NBR1: variants seen among roughly 807,000 people sequenced by gnomAD.
The protein encoded by NBR1 is next to BRCA1 gene 1 protein.
In NBR1, 59 loss-of-function variants were observed where a neutral mutation model predicts 115.5. The observed-to-expected ratio is 0.51, with a 90% CI of 0.41 to 0.63. The LOEUF is 0.63. NBR1 is among the 30% of genes least tolerant of loss of function. NBR1 has a pLI of 0.00. For missense variants in NBR1, 1,043 were observed against 1,150.5 expected (o/e 0.91, Z 1.35); for synonymous variants, 373 against 414.7 (o/e 0.90, Z 1.22).
chr17:43,176,338 T>TC (rs2056516275), intron 2 of NBR1: 1 of 153,564 alleles, frequency 6.5e-6, no homozygotes, highest in Admixed American at 6.5e-5. Context: ...GTTGAGTATC[T>TC]CAGAGTTGAG....
intron 2 of NBR1, chr17:43,176,352 G>A (rs2056516876): frequency 6.5e-6 from 1 of 153,042 alleles, no homozygotes. Context: ...AGTTGAGCAG[G>A]AAAAACTTTC....
intron 1 of NBR1, among the ~76,000 whole-genome samples, chr17:43,174,332 C>G (rs2056451890): frequency 6.6e-6 from 1 of 152,280 alleles, no homozygotes; most frequent in East Asian, 1.9e-4. Flanking sequence ...CATGGTGGCT[C>G]ACGCCTGTAA....
At chr17:43,193,752 T>TTAGCATCTCCCCC in intron 12 of NBR1, 114 bp downstream of exon 12, 1 of 1,145,970 alleles carries the variant, frequency 8.7e-7, no homozygotes, top group East Asian at 2.6e-5. Flanking sequence ...CCTTGAAAGG[T>TTAGCATCTCCCCC]TAGCATCTCC....
Position 43,209,950 on chromosome 17 carries a change from A to C in NBR1, c.2777A>C (p.Glu926Ala). 2 of 1,609,586 alleles carry C rather than the reference A, an allele frequency of 1.2e-6. No individual in the cohort carries two copies. Among genetic ancestry groups the C allele is most frequent in the Non-Finnish European group, 1.7e-6 (2 of 1,177,792 alleles). Residue 926 changes from glutamate (E) to alanine (A), a missense_variant, in exon 21 of 21, where the codon GAA becomes GCA. By Grantham distance (107) the Glu-to-Ala change is moderately radical. Coordinates refer to ENST00000590996, the MANE Select transcript of NBR1 (RefSeq NM_005899.5). ...GCAGCCCTGATGGCCCATCTCTTTG[A>C]AATGGGATTCTGTGACAGGCAGCTG... ...QTAALMAHLF[E>A]MGFCDRQLNL... is the part of the protein sequence containing the mutation.
intron 8 of NBR1, 105 bp from the exon 9 acceptor site, chr17:43,190,504 C>T: frequency 7.9e-7 from 1 of 1,265,508 alleles, no homozygotes; most frequent in Non-Finnish European, 1.1e-6. Flanking sequence ...GCTCAGGTTA[C>T]CTGCTAGTTG....
At chr17:43,177,906 C>A (rs1254913731) in intron 2 of NBR1, 30 bp from the exon 3 acceptor site, 1 of 1,450,894 alleles carries the variant, frequency 6.9e-7, no homozygotes, top group Non-Finnish European at 9.3e-7. Context: ...TACATTATAA[C>A]CTGCCTTTAA....
chr17:43,174,076 GT>G (rs1167837135), intron 1 of NBR1, among the ~76,000 whole-genome samples: 2 of 152,044 alleles, frequency 1.3e-5, no homozygotes, highest in African/African-American at 2.4e-5. Flanking sequence ...TATCTAGACT[GT>G]TTTTAAAAAA....
At chr17:43,203,614 C>T in intron 19 of NBR1, 67 bp from the exon 20 acceptor site, 1 of 967,370 alleles carries the variant, frequency 1.0e-6, no homozygotes. Flanking sequence ...GATTAGAGCC[C>T]AGATTATCTT....
chr17:43,190,545 A>C (rs761854431), intron 8 of NBR1, 64 bp from the exon 9 acceptor site: 12 of 1,520,438 alleles, frequency 7.9e-6, no homozygotes, highest in Non-Finnish European at 1.1e-5. Context: ...GTATGGTCTT[A>C]TATCTCCCTA....
intron 18 of NBR1, 95 bp from the exon 19 acceptor site, chr17:43,202,560 G>T: frequency 1.3e-6 from 1 of 758,620 alleles, no homozygotes. Context: ...ACTGTGATCA[G>T]ATTGCCACCT....
At chr17:43,175,497 ACATGTTTCC>A (rs2056489182) in intron 1 of NBR1, among the ~76,000 whole-genome samples, 2 of 152,226 alleles carry the variant, frequency 1.3e-5, no homozygotes, top group Admixed American at 6.5e-5. Flanking sequence ...TTCTGTTTCC[ACATGTTTCC>A]AACATGTGGA....
rs1295756953 is a variant in NBR1, at chr17:43,200,175, G to A, written c.2035G>A (p.Ala679Thr). 1.3e-6 allele frequency: 2 copies of A among 1,546,392 alleles called. No individual in the cohort carries two copies. The highest frequency in any genetic ancestry group is 8.7e-7 in the Non-Finnish European group (1 of 1,143,344). Residue 679 changes from alanine to threonine, a missense_variant, in exon 17 of 21, where the codon GCC (alanine) becomes ACC (threonine). Transcript: ENST00000590996. ...TTGCTTTCATCCTTTAGTGACATTT[G>A]CCTTGCCTGAAGGACCACTTGGAAA... is the stretch of plus-strand genomic sequence containing the variant. ...CRQKSLQMTF[A>T]LPEGPLGNEK...
chr17:43,194,343 T>C lies in NBR1; in HGVS notation c.1525-7T>C. On this transcript the variant is annotated splice_region_variant and splice_polypyrimidine_tract_variant and intron_variant, in intron 12 of 20. Coordinates refer to ENST00000590996, the MANE Select transcript of NBR1 (RefSeq NM_005899.5). Reference sequence around the variant, plus strand: ...CTAAAATTTGTCTCAATGGTTTGTCTCTATAGGAAACTTTTCTTCTGGCTA... The same window carrying C: ...CTAAAATTTGTCTCAATGGTTTGTCCCTATAGGAAACTTTTCTTCTGGCTA... 6.2e-7 allele frequency: 1 copy of C among 1,609,894 alleles called. No individual in the cohort carries two copies. The highest frequency in any genetic ancestry group is 8.5e-7 in the Non-Finnish European group (1 of 1,177,812).
intron 1 of NBR1, among the ~76,000 whole-genome samples, chr17:43,173,376 C>T (rs562793953): frequency 2.0e-4 from 31 of 152,242 alleles, no homozygotes; most frequent in Non-Finnish European, 7.4e-5. Flanking sequence ...GCAACCTTGC[C>T]TCCCAGGTTC....
chr17:43,196,358 A>G (rs1465134338), intron 14 of NBR1, 123 bp from the exon 15 acceptor site: 4 of 586,304 alleles, frequency 6.8e-6, no homozygotes, highest in Non-Finnish European at 1.2e-5. Context: ...ACCTCAAAGC[A>G]TATCTTGGTT....
At chr17:43,206,397 C>G (rs547165624) in intron 20 of NBR1, among the ~76,000 whole-genome samples, 9 of 152,112 alleles carry the variant, frequency 5.9e-5, no homozygotes, top group African/African-American at 2.2e-4. Flanking sequence ...GTGGCTCATG[C>G]CTGTAATCCC....
chr17:43,204,942 C>T (rs1381651404), intron 20 of NBR1, among the ~76,000 whole-genome samples: 3 of 152,028 alleles, frequency 2.0e-5, no homozygotes, highest in African/African-American at 7.2e-5. Flanking sequence ...AGCCACTGCA[C>T]TCCAGCTTGG....
At chr17:43,206,530 C>T (rs1015508855) in intron 20 of NBR1, among the ~76,000 whole-genome samples, 1 of 152,068 alleles carries the variant, frequency 6.6e-6, no homozygotes, top group African/African-American at 2.4e-5. Flanking sequence ...TGGCACGTGC[C>T]TGTAGTCCTA....
chr17:43,194,801 A>C, intron 13 of NBR1, 163 bp from the exon 14 acceptor site: 1 of 642,898 alleles, frequency 1.6e-6, no homozygotes, highest in Non-Finnish European at 2.7e-6. Flanking sequence ...GGGTTATTTC[A>C]ACATCTAATT....
Sources: gnomAD v4.1 joint callset for allele counts (sites outside exome capture counted in the v4.1 genomes callset) on GRCh38, gnomAD v4.1.1 for gene constraint, MANE v1.5 for transcripts, NCBI Gene and HGNC (gene_info 2026-07-23, HGNC 2026-07-21) for gene names.